Variants in IQCM observed in about 807,000 individuals in gnomAD.
IQCM encodes IQ domain-containing protein M.
Under a neutral mutation model 57.6 loss-of-function variants are expected in IQCM, and 45 were observed. The observed-to-expected ratio is 0.78, with a 90% CI of 0.62 to 1.00. IQCM has a LOEUF of 1.00. Among genes scored for constraint, IQCM ranks in the 50% least tolerant of loss-of-function variants. The probability of loss-of-function intolerance (pLI) is 0.00; values close to 1 mark genes in which losing one functional copy is unlikely to be tolerated. For missense variants in IQCM, 468 were observed against 511.6 expected (o/e 0.91, Z 0.82); for synonymous variants, 148 against 158.9 (o/e 0.93, Z 0.51).
intron 13 of IQCM, among the ~76,000 whole-genome samples, chr4:149,430,592 T>C (rs1734766125): frequency 6.6e-6 from 1 of 152,036 alleles, no homozygotes; most frequent in Admixed American, 6.6e-5. Context: ...AATGGAATCA[T>C]ATAGTATGTA....
chr4:149,654,531 C>G (rs1759474396), intron 7 of IQCM, among the ~76,000 whole-genome samples: 1 of 152,146 alleles, frequency 6.6e-6, no homozygotes, highest in Admixed American at 6.6e-5. Flanking sequence ...TGAGGCCTCC[C>G]CAGAAGCAGA....
chr4:149,380,882 A>G (rs1323146712), intron 13 of IQCM, among the ~76,000 whole-genome samples: 1 of 152,152 alleles, frequency 6.6e-6, no homozygotes, highest in Non-Finnish European at 1.5e-5. Flanking sequence ...AGAAGTTCTT[A>G]TTAATAATAC....
chr4:149,652,923 C>G (rs1358887121), intron 7 of IQCM, among the ~76,000 whole-genome samples: 1 of 152,156 alleles, frequency 6.6e-6, no homozygotes, highest in African/African-American at 2.4e-5. Context: ...CTCACCAAAA[C>G]ACACCTCATA....
chr4:149,660,487 T>C (rs1760082919), intron 7 of IQCM, among the ~76,000 whole-genome samples: 1 of 152,192 alleles, frequency 6.6e-6, no homozygotes, highest in Non-Finnish European at 1.5e-5. Flanking sequence ...ACTGGGTATA[T>C]ACCCAAAGGA....
intron 12 of IQCM, among the ~76,000 whole-genome samples, chr4:149,439,206 T>C (rs936198242): frequency 7.9e-5 from 12 of 152,092 alleles, no homozygotes; most frequent in African/African-American, 2.7e-4. Context: ...GCTATTTAAT[T>C]GTTCAATAAT....
chr4:149,734,272 G>A (rs777034027), intron 4 of IQCM, among the ~76,000 whole-genome samples: 5 of 152,220 alleles, frequency 3.3e-5, no homozygotes, highest in African/African-American at 1.2e-4. Flanking sequence ...CCAGGCAACC[G>A]AAGATGGAAC....
In IQCM at chr4:149,806,439, T is replaced by C. The variant is rs542022959; in HGVS notation, c.-49+8872A>G. 9.1e-4 allele frequency among the ~76,000 whole-genome samples: 138 copies of C among 152,002 alleles called. 1 individual carries two copies. The highest frequency in any genetic ancestry group is 1.7e-3 in the Non-Finnish European group (117 of 67,880). ...CCAGAACTTATTTCTCCTATGTAAC[T>C]GTATTTTTGTACCCATTAACCAATC... On this transcript the variant is annotated intron_variant, in intron 2 of 13. Coordinates refer to ENST00000636793, the MANE Select transcript of IQCM (RefSeq NM_001363507.2).
chr4:149,725,913 T>C (rs1765849454), intron 5 of IQCM, among the ~76,000 whole-genome samples: 1 of 151,998 alleles, frequency 6.6e-6, no homozygotes, highest in Admixed American at 6.6e-5. Context: ...ATCTTCTTGT[T>C]CTACTAATCC....
In IQCM at chr4:149,679,848, T is replaced by G. The variant is rs574416503; in HGVS notation, c.565+2270A>C. On this transcript the variant is annotated intron_variant, in intron 7 of 13. Transcript: ENST00000636793. ...TATAATAATGATGTGGAGAATAAGC[T>G]TTTTTGTGCAGACTTTTTAGACTAT... Among the ~76,000 whole-genome samples the G allele has an allele frequency of 3.3e-5, 5 of 151,538 alleles. No individual in the cohort carries two copies. The South Asian group carries it at 8.3e-4, about 25-fold the overall frequency.
chr4:149,370,148 C>T (rs1730264326), intron 13 of IQCM, among the ~76,000 whole-genome samples: 2 of 152,196 alleles, frequency 1.3e-5, no homozygotes, highest in Admixed American at 1.3e-4. Context: ...CCTGTGTCAG[C>T]CTCCCGAAGT....
intron 2 of IQCM, among the ~76,000 whole-genome samples, chr4:149,781,724 C>CT (rs1771621168): frequency 6.6e-6 from 1 of 152,148 alleles, no homozygotes; most frequent in Non-Finnish European, 1.5e-5. Flanking sequence ...ATGCATCCCC[C>CT]TCAAAGGGAG....
At position 149,802,317 on chromosome 4, in the gene IQCM, T is replaced by C. The variant is rs74894787; in HGVS notation, c.-49+12994A>G. On this transcript the variant is annotated intron_variant, in intron 2 of 13. Transcript: ENST00000636793. Reference sequence around the variant, plus strand: ...AGAAGCATTTAAAATGTGACAGCAGTCACATCTCACTTCACCTCGAGCTAA... The same window carrying C: ...AGAAGCATTTAAAATGTGACAGCAGCCACATCTCACTTCACCTCGAGCTAA... Among the ~76,000 whole-genome samples the C allele has an allele frequency of 2.1e-3, 314 of 152,046 alleles. 7 individuals are homozygous for C. The East Asian group carries it at 0.054, about 26-fold the overall frequency.
chr4:149,747,767 C>T (rs1049195276), intron 2 of IQCM, among the ~76,000 whole-genome samples: 1 of 152,170 alleles, frequency 6.6e-6, no homozygotes, highest in African/African-American at 2.4e-5. Context: ...GGAACAGTGG[C>T]AAGCCCATGA....
chr4:149,533,584 G>A (rs755352327), intron 12 of IQCM, among the ~76,000 whole-genome samples: 9 of 152,080 alleles, frequency 5.9e-5, no homozygotes, highest in Non-Finnish European at 8.8e-5. Flanking sequence ...AATTCCACAT[G>A]GACAGGGAAG....
chr4:149,498,773 G>T (rs1201336051), intron 12 of IQCM, among the ~76,000 whole-genome samples: 1 of 152,148 alleles, frequency 6.6e-6, no homozygotes, highest in East Asian at 1.9e-4. Flanking sequence ...AGAAGAAGAT[G>T]GCACAGGTGA....
At chr4:149,378,953 G>T (rs1160296484) in intron 13 of IQCM, among the ~76,000 whole-genome samples, 1 of 152,112 alleles carries the variant, frequency 6.6e-6, no homozygotes, top group Admixed American at 6.5e-5. Flanking sequence ...CTAGGGACTT[G>T]GTGCCCTGCA....
At chr4:149,470,307 A>T (rs1386535756) in intron 12 of IQCM, among the ~76,000 whole-genome samples, 1 of 151,988 alleles carries the variant, frequency 6.6e-6, no homozygotes, top group Non-Finnish European at 1.5e-5. Context: ...AAAAAAAAAA[A>T]GCAGGGGTTG....
intron 12 of IQCM, among the ~76,000 whole-genome samples, chr4:149,473,630 C>T (rs575637031): frequency 6.5e-4 from 99 of 152,272 alleles, no homozygotes; most frequent in African/African-American, 2.3e-3. Context: ...ACTGGGTATA[C>T]ACCCAAAGGA....
chr4:149,579,844 C>T (rs935116577), intron 9 of IQCM, among the ~76,000 whole-genome samples: 2 of 151,718 alleles, frequency 1.3e-5, no homozygotes, highest in African/African-American at 2.4e-5. Context: ...TTCATCCTAT[C>T]CCAAGATCAT....
Sources: allele counts gnomAD v4.1 joint callset (sites outside exome capture counted in the v4.1 genomes callset), GRCh38; gene constraint gnomAD v4.1.1; transcripts MANE v1.5; gene names NCBI Gene and HGNC (gene_info 2026-07-23, HGNC 2026-07-21).